Variants in UGT8 observed in about 807,000 individuals in gnomAD.
The protein encoded by UGT8 is UDP glycosyltransferase 8, also known as 2-hydroxyacylsphingosine 1-beta-galactosyltransferase.
UGT8 carries 12 observed loss-of-function variants against 40.5 expected under a neutral mutation model. That is an observed-to-expected ratio of 0.30 (90% CI 0.19 to 0.48). UGT8 has a LOEUF of 0.48. Among genes scored for constraint, UGT8 ranks in the 20% least tolerant of loss-of-function variants. The pLI, the probability that UGT8 is intolerant of heterozygous loss-of-function variation, is 0.99. For synonymous variants in UGT8, 224 were observed against 240.4 expected (o/e 0.93, Z 0.63); for missense variants, 513 against 648.7 (o/e 0.79, Z 2.27).
chr4:114,630,428 T>C (rs567848191), intron 2 of UGT8, among the ~76,000 whole-genome samples: 1 of 152,356 alleles, frequency 6.6e-6, no homozygotes, highest in South Asian at 2.1e-4. Flanking sequence ...CAGTTATTAC[T>C]CTATTACTCT....
intron 5 of UGT8, among the ~76,000 whole-genome samples, chr4:114,674,574 C>A (rs370560633): frequency 5.9e-5 from 9 of 152,304 alleles, no homozygotes; most frequent in African/African-American, 2.2e-4. Flanking sequence ...AAGAAAGAAG[C>A]TATTATATCT....
intron 4 of UGT8, among the ~76,000 whole-genome samples, chr4:114,667,505 A>G (rs1578468952): frequency 6.6e-6 from 1 of 152,208 alleles, no homozygotes; most frequent in African/African-American, 2.4e-5. Flanking sequence ...ATGATTATAA[A>G]TGTTTACCTC....
intron 4 of UGT8, 60 bp downstream of exon 4, chr4:114,665,816 CTT>C (rs528593278): frequency 0.03 from 31,110 of 1,034,244 alleles, no homozygotes; most frequent in South Asian, 0.047. Flanking sequence ...ATAAATGTGA[CTT>C]TTTTTTTTTT....
rs1731924084 is a variant in UGT8, at chr4:114,622,989, A to G, written c.109A>G (p.Ile37Val). 8 of 1,613,772 alleles carry G rather than the reference A, an allele frequency of 5.0e-6. No individual in the cohort carries two copies. The highest frequency in any genetic ancestry group is 1.6e-4 in the Middle Eastern group (1 of 6,082). Reference sequence around the variant, plus strand: ...AATTATGTTTGAAAGCCATATGTACATTTTCAAGACGCTAGCCTCAGCCTT... The same window carrying G: ...AATTATGTTTGAAAGCCATATGTACGTTTTCAAGACGCTAGCCTCAGCCTT... ...PPIMFESHMY[I>V]FKTLASALHE... The change falls in exon 2 of 6, where the codon ATT becomes GTT. Residue 37 changes from isoleucine (I) to valine (V), a missense_variant. By Grantham distance (29) the Ile-to-Val change is conservative. Around this residue, in one of 3 missense-constraint regions of UGT8, gnomAD observed 335 missense variants for 444.8 expected, o/e 0.75. Transcript: ENST00000310836.
chr4:114,638,350 A>G (rs2126111471), intron 2 of UGT8, among the ~76,000 whole-genome samples: 1 of 152,250 alleles, frequency 6.6e-6, no homozygotes, highest in East Asian at 1.9e-4. Context: ...GGTCATTATG[A>G]GCTTTTTACA....
intron 1 of UGT8, among the ~76,000 whole-genome samples, chr4:114,600,835 T>C (rs1469487678): frequency 6.6e-6 from 1 of 152,210 alleles, no homozygotes; most frequent in Non-Finnish European, 1.5e-5. Context: ...GCTTTAGGAA[T>C]GTGTCTGTGT....
intron 3 of UGT8, chr4:114,665,328 G>T (rs1314335074): frequency 7.2e-6 from 7 of 970,968 alleles, no homozygotes; most frequent in African/African-American, 1.8e-5. Context: ...GCTCCTTCTT[G>T]TTCCAGCTTC....
Position 114,623,514 on chromosome 4 carries a change from C to T in UGT8, c.634C>T (p.Leu212Phe). Reference protein sequence around the residue: ...ISRLGVSFLVLPKYERIMQKY... With the variant: ...ISRLGVSFLVFPKYERIMQKY... ...CAGATTAGGGGTCAGCTTTCTGGTT[C>T]TTCCCAAATATGAAAGGATAATGCA... Residue 212 changes from leucine to phenylalanine, a missense_variant, in exon 2 of 6, where the codon CTT becomes TTT. Coordinates refer to ENST00000310836, the MANE Select transcript of UGT8 (RefSeq NM_001128174.3). 6.2e-7 allele frequency: 1 copy of T among 1,614,132 alleles called. No individual in the cohort carries two copies. Among genetic ancestry groups the T allele is most frequent in the Non-Finnish European group, 8.5e-7 (1 of 1,180,022 alleles).
At chr4:114,647,267 C>T (rs944051220) in intron 2 of UGT8, among the ~76,000 whole-genome samples, 4 of 151,998 alleles carry the variant, frequency 2.6e-5, no homozygotes, top group Non-Finnish European at 5.9e-5. Flanking sequence ...TCATTACTTA[C>T]AATGACAGTT....
intron 2 of UGT8, among the ~76,000 whole-genome samples, chr4:114,639,278 A>G (rs1345475179): frequency 6.6e-6 from 1 of 152,180 alleles, no homozygotes; most frequent in Non-Finnish European, 1.5e-5. Flanking sequence ...ATATATATTC[A>G]GTATCAGGAC....
intron 2 of UGT8, among the ~76,000 whole-genome samples, chr4:114,640,790 C>T (rs572034077): frequency 6.6e-6 from 1 of 152,278 alleles, no homozygotes; most frequent in South Asian, 2.1e-4. Context: ...TCTTGTGAGA[C>T]TTATTCACTA....
chr4:114,603,333 A>G (rs1405414338), intron 1 of UGT8, among the ~76,000 whole-genome samples: 1 of 152,206 alleles, frequency 6.6e-6, no homozygotes. Flanking sequence ...AATGGTAGGT[A>G]GATAAATGGA....
intron 1 of UGT8, chr4:114,619,475 A>G (rs1731641996): frequency 6.6e-6 from 1 of 152,150 alleles, no homozygotes; most frequent in African/African-American, 2.4e-5. Flanking sequence ...TAAAAGGAAA[A>G]GTTAAAACTC....
intron 1 of UGT8, 82 bp from the exon 2 acceptor site, chr4:114,622,797 G>C: frequency 8.1e-7 from 1 of 1,237,986 alleles, no homozygotes; most frequent in South Asian, 1.6e-5. Context: ...AGATATTTTT[G>C]GGGAAAAATG....
At chr4:114,634,422 C>G (rs185415600) in intron 2 of UGT8, among the ~76,000 whole-genome samples, 1 of 152,012 alleles carries the variant, frequency 6.6e-6, no homozygotes, top group African/African-American at 2.4e-5. Flanking sequence ...AGTGGCTTAT[C>G]GACTCTCCAA....
chr4:114,663,418 T>C (rs1001644605), intron 2 of UGT8, among the ~76,000 whole-genome samples: 3 of 152,108 alleles, frequency 2.0e-5, no homozygotes, highest in Non-Finnish European at 4.4e-5. Context: ...TGGCTCTATT[T>C]ATTTTCCTAT....
chr4:114,651,948 G>T (rs1333737332), intron 2 of UGT8, among the ~76,000 whole-genome samples: 1 of 151,660 alleles, frequency 6.6e-6, no homozygotes, highest in Non-Finnish European at 1.5e-5. Flanking sequence ...CAAATTATGG[G>T]GAATACACTA....
intron 2 of UGT8, among the ~76,000 whole-genome samples, chr4:114,625,509 TA>T (rs767102968): frequency 0.16 from 11,590 of 74,582 alleles, 649 homozygotes; most frequent in South Asian, 0.23. Flanking sequence ...AGACCCTGTC[TA>T]AAAAAAAAAA....
intron 5 of UGT8, among the ~76,000 whole-genome samples, 176 bp downstream of exon 5, chr4:114,668,480 A>G (rs1347051435): frequency 6.6e-6 from 1 of 152,220 alleles, no homozygotes. Context: ...AACAGCAGTC[A>G]TTTGACCAGC....
Sources: allele counts gnomAD v4.1 joint callset (sites outside exome capture counted in the v4.1 genomes callset), GRCh38; gene constraint gnomAD v4.1.1; regional missense constraint gnomAD v4.1.1; transcripts MANE v1.5; gene names NCBI Gene and HGNC (gene_info 2026-07-23, HGNC 2026-07-21).